MRS2: variants seen among roughly 807,000 people sequenced by gnomAD.
MRS2 encodes the protein magnesium transporter MRS2 homolog, mitochondrial.
Under a neutral mutation model 52.6 loss-of-function variants are expected in MRS2, and 40 were observed. The ratio of observed to expected loss-of-function variants is 0.76; its 90% CI spans 0.59 to 0.99. MRS2 has a LOEUF of 0.99. MRS2 is among the 50% of genes least tolerant of loss of function. MRS2 has a pLI of 0.00. For synonymous variants in MRS2, 193 were observed against 195.9 expected (o/e 0.98, Z 0.13); for missense variants, 472 against 532.7 (o/e 0.89, Z 1.12).
rs1488221353 is a variant in MRS2, at chr6:24,424,858, T to C, written c.*1164T>C. The C allele has an allele frequency of 1.3e-4, 20 of 152,186 alleles. No individual in the cohort carries two copies. The highest frequency in any genetic ancestry group is 1.5e-5 in the Non-Finnish European group (1 of 68,034). The allele number at this position is 152,186 out of a possible 1,614,324, so 9.4% of individuals were successfully genotyped here. ...ATATGAGGAAGTTTAGGAGTCCATT[T>C]TTCAGGTGGTTTGGTGATAGGAATA... is the stretch of plus-strand genomic sequence containing the variant. On this transcript the variant is annotated 3_prime_UTR_variant, in exon 11 of 11. Transcript: ENST00000378386.
At chr6:24,405,351 A>G (rs1761431956) in intron 2 of MRS2, 110 bp downstream of exon 2, 1 of 780,726 alleles carries the variant, frequency 1.3e-6, no homozygotes, top group Middle Eastern at 2.3e-4. Flanking sequence ...TATAATCATC[A>G]TAGCTACATG....
intron 10 of MRS2, chr6:24,423,339 A>G: frequency 2.1e-6 from 1 of 481,916 alleles, no homozygotes; most frequent in Non-Finnish European, 3.7e-6. Context: ...AACAGATGTT[A>G]GTAATTCTGG....
At chr6:24,409,647 G>GT in intron 4 of MRS2, 74 bp downstream of exon 4, 1 of 900,694 alleles carries the variant, frequency 1.1e-6, no homozygotes, top group South Asian at 1.8e-5. Context: ...ATCTTGATTA[G>GT]TATCTAGGTT....
chr6:24,418,034 T>C, intron 7 of MRS2, 50 bp from the exon 8 acceptor site: 1 of 1,528,764 alleles, frequency 6.5e-7, no homozygotes, highest in African/African-American at 1.4e-5. Context: ...TCACTAAGTA[T>C]ATGATACACA....
intron 5 of MRS2, among the ~76,000 whole-genome samples, chr6:24,413,165 A>G (rs61623969): frequency 0.019 from 2,856 of 152,156 alleles, 89 homozygotes; most frequent in African/African-American, 0.063. Context: ...AGATGTAAAC[A>G]GTGGTAAGTC....
intron 5 of MRS2, among the ~76,000 whole-genome samples, chr6:24,413,169 G>A (rs1761725011): frequency 6.6e-6 from 1 of 152,100 alleles, no homozygotes; most frequent in Admixed American, 6.6e-5. Flanking sequence ...GTAAACAGTG[G>A]TAAGTCATGG....
intron 2 of MRS2, among the ~76,000 whole-genome samples, chr6:24,407,720 G>A (rs1207986161): frequency 6.6e-6 from 1 of 152,144 alleles, no homozygotes; most frequent in Non-Finnish European, 1.5e-5. Context: ...AGATTCACAA[G>A]GCGGGCCATA....
At chr6:24,413,184 C>T (rs1434373068) in intron 5 of MRS2, among the ~76,000 whole-genome samples, 1 of 151,954 alleles carries the variant, frequency 6.6e-6, no homozygotes, top group Non-Finnish European at 1.5e-5. Flanking sequence ...TCATGGGCTC[C>T]ACAGGCTGGG....
Position 24,404,532 on chromosome 6 carries a change from T to C in MRS2, c.191-636T>C, listed in dbSNP as rs77113057. On this transcript the variant is annotated intron_variant, in intron 1 of 10. Transcript: ENST00000378386. Reference sequence around the variant, plus strand: ...TTTGGAAGCACAAAACAGTGTCCTCTGTCAGTCATTAAATGTACTTGATTA... The same window carrying C: ...TTTGGAAGCACAAAACAGTGTCCTCCGTCAGTCATTAAATGTACTTGATTA... Among the ~76,000 whole-genome samples the C allele has an allele frequency of 4.7e-3, 717 of 152,334 alleles. 7 individuals carry two copies. Among genetic ancestry groups the C allele is most frequent in the African/African-American group, 0.016 (674 of 41,572 alleles).
chr6:24,403,378 C>T, intron 1 of MRS2, 142 bp downstream of exon 1: 1 of 807,956 alleles, frequency 1.2e-6, no homozygotes, highest in Non-Finnish European at 1.8e-6. Context: ...TGAGCTTGCA[C>T]AGGCCCGCGG....
intron 2 of MRS2, among the ~76,000 whole-genome samples, chr6:24,407,946 C>T (rs1427469227): frequency 6.6e-6 from 1 of 152,128 alleles, no homozygotes; most frequent in African/African-American, 2.4e-5. Flanking sequence ...TCCCTTGTAA[C>T]CATCGCAGGG....
intron 6 of MRS2, among the ~76,000 whole-genome samples, chr6:24,415,527 G>T (rs1761820182): frequency 6.6e-6 from 1 of 152,076 alleles, no homozygotes; most frequent in Non-Finnish European, 1.5e-5. Context: ...ATGCATTCCA[G>T]AATTTAATAA....
At chr6:24,413,936 A>T (rs1343556453) in intron 5 of MRS2, among the ~76,000 whole-genome samples, 1 of 152,228 alleles carries the variant, frequency 6.6e-6, no homozygotes, top group East Asian at 1.9e-4. Context: ...ACTTGTGTTA[A>T]CCTAAATAGT....
chr6:24,408,524 G>T (rs898141202), intron 3 of MRS2, 80 bp downstream of exon 3: 45 of 1,046,612 alleles, frequency 4.3e-5, no homozygotes, highest in Non-Finnish European at 5.0e-5. Flanking sequence ...GTAGTATTTT[G>T]AGTAAAATAT....
chr6:24,418,728 G>A (rs556145557), intron 9 of MRS2, 150 bp downstream of exon 9: 75 of 578,798 alleles, frequency 1.3e-4, no homozygotes, highest in Middle Eastern at 4.9e-4. Flanking sequence ...GCGAAACCCT[G>A]TCTCTACTAA....
chr6:24,419,481 G>A (rs1223629981), intron 9 of MRS2, among the ~76,000 whole-genome samples: 3 of 152,154 alleles, frequency 2.0e-5, no homozygotes, highest in Non-Finnish European at 2.9e-5. Context: ...GTCTGGCAAC[G>A]TACCAGGCGG....
intron 1 of MRS2, 23 bp downstream of exon 1, chr6:24,403,259 G>T (rs750280920): frequency 1.3e-6 from 2 of 1,572,040 alleles, no homozygotes; most frequent in South Asian, 2.3e-5. Flanking sequence ...CCCGGCAACA[G>T]CCTTGGGACG....
intron 9 of MRS2, among the ~76,000 whole-genome samples, chr6:24,421,220 G>A (rs1346740839): frequency 6.6e-6 from 1 of 152,060 alleles, no homozygotes; most frequent in Non-Finnish European, 1.5e-5. Context: ...TCAAAACAAT[G>A]GAAGATTTTT....
chr6:24,412,432 T>C (rs908857976), intron 5 of MRS2, 37 bp downstream of exon 5: 1 of 1,456,386 alleles, frequency 6.9e-7, no homozygotes, highest in Middle Eastern at 1.8e-4. Flanking sequence ...GGGTTTATTC[T>C]GATTTTGAAA....
Sources: gnomAD v4.1 joint callset for allele counts (sites outside exome capture counted in the v4.1 genomes callset) on GRCh38, gnomAD v4.1.1 for gene constraint, MANE v1.5 for transcripts, NCBI Gene and HGNC (gene_info 2026-07-23, HGNC 2026-07-21) for gene names.